Variants in SSUH2 observed in about 807,000 individuals in gnomAD.
SSUH2 encodes the protein ssu-2 homolog.
SSUH2 carries 47 observed loss-of-function variants against 55.3 expected under a neutral mutation model. The ratio of observed to expected loss-of-function variants is 0.85; its 90% CI spans 0.67 to 1.08. SSUH2 has a LOEUF of 1.08. Among genes scored for constraint, SSUH2 ranks in the 50% least tolerant of loss-of-function variants. The pLI, the probability that SSUH2 is intolerant of heterozygous loss-of-function variation, is 0.00. For synonymous variants in SSUH2, 212 were observed against 191.5 expected (o/e 1.11, Z -0.89); for missense variants, 535 against 490.7 (o/e 1.09, Z -0.85).
rs35534080 is a variant in SSUH2, at chr3:8,675,750, G to C, written c.-753+1456C>G. Among the ~76,000 whole-genome samples, 5 of 152,224 alleles carry C rather than the reference G, an allele frequency of 3.3e-5. No individual in the cohort carries two copies. In the East Asian group the frequency reaches 5.8e-4, roughly 18 times the overall value. ...TGAGGTCACAAAGGGGGCTGGGACC[G>C]GGAACCTTTGGAATGGGGATCCCAA... is the stretch of plus-strand genomic sequence containing the variant. On this transcript the variant is annotated intron_variant, in intron 3 of 18. Transcript: ENST00000317371.
upstream of SSUH2, chr3:8,644,857 C>T (rs78748455): frequency 1.6e-3 from 1,567 of 953,794 alleles, 17 homozygotes; most frequent in African/African-American, 0.019. Flanking sequence ...AACAGCAGGC[C>T]CATTGTTACC....
At chr3:8,622,327 G>A (rs75115868) in intron 11 of SSUH2, among the ~76,000 whole-genome samples, 2,690 of 152,262 alleles carry the variant, frequency 0.018, 115 homozygotes, top group East Asian at 0.17. Flanking sequence ...CTGGCTCCCG[G>A]AATGGCTGTA....
chr3:8,674,187 G>A (rs1448600077), intron 3 of SSUH2, among the ~76,000 whole-genome samples: 1 of 152,238 alleles, frequency 6.6e-6, no homozygotes, highest in Non-Finnish European at 1.5e-5. Flanking sequence ...GTTAGCTGCA[G>A]CAATCAGAGG....
chr3:8,647,496 G>A (rs1701846477), upstream of SSUH2, among the ~76,000 whole-genome samples: 1 of 152,228 alleles, frequency 6.6e-6, no homozygotes, highest in African/African-American at 2.4e-5. Flanking sequence ...AGTGGACATG[G>A]CAGCACTGCA....
At chr3:8,658,142 G>A (rs1703116883) in intron 7 of SSUH2, among the ~76,000 whole-genome samples, 1 of 152,222 alleles carries the variant, frequency 6.6e-6, no homozygotes, top group Admixed American at 6.5e-5. Context: ...TCAGAAAACT[G>A]GGGATGACCC....
intron 3 of SSUH2, chr3:8,634,520 C>G: frequency 7.8e-7 from 1 of 1,289,750 alleles, no homozygotes; most frequent in Non-Finnish European, 1.0e-6. Context: ...ACACTTGTAT[C>G]TCCAGCATCC....
chr3:8,626,917 G>C (rs146359112), intron 8 of SSUH2: 3 of 152,332 alleles, frequency 2.0e-5, no homozygotes, highest in African/African-American at 7.2e-5. Flanking sequence ...TTCTTACCTA[G>C]GCCTGTAAAT....
At chr3:8,678,117 T>A (rs951218263) in intron 2 of SSUH2, among the ~76,000 whole-genome samples, 11 of 152,060 alleles carry the variant, frequency 7.2e-5, no homozygotes, top group African/African-American at 2.2e-4. Context: ...AGTAATATCA[T>A]CTTCTTCCCT....
chr3:8,652,108 C>T (rs1340234735), intron 7 of SSUH2: 1 of 152,378 alleles, frequency 6.6e-6, no homozygotes, highest in Non-Finnish European at 1.5e-5. Flanking sequence ...TGGAGGTCAA[C>T]CATCCATCCC....
chr3:8,677,083 G>T (rs1345684018), intron 3 of SSUH2: 1 of 149,538 alleles, frequency 6.7e-6, no homozygotes. Context: ...TCCCCCTGTG[G>T]CTCTTAGGAC....
chr3:8,676,031 A>C (rs1176258831), intron 3 of SSUH2, among the ~76,000 whole-genome samples: 1 of 152,102 alleles, frequency 6.6e-6, no homozygotes, highest in Non-Finnish European at 1.5e-5. Context: ...GAAGCAAATA[A>C]GCTGACTCTT....
intron 7 of SSUH2, 61 bp from the exon 8 acceptor site, chr3:8,627,844 C>A: frequency 6.7e-7 from 1 of 1,483,028 alleles, no homozygotes; most frequent in Non-Finnish European, 9.2e-7. Flanking sequence ...CCAACGGCAT[C>A]CCAAGACCTG....
intron 7 of SSUH2, among the ~76,000 whole-genome samples, chr3:8,656,959 C>T (rs907106843): frequency 1.3e-5 from 2 of 152,204 alleles, no homozygotes; most frequent in African/African-American, 4.8e-5. Flanking sequence ...CAGCTCACTT[C>T]AACCTCCACC....
chr3:8,680,573 T>G (rs190331492), intron 1 of SSUH2, among the ~76,000 whole-genome samples: 1 of 152,094 alleles, frequency 6.6e-6, no homozygotes, highest in African/African-American at 2.4e-5. Context: ...ACGCTGAAAT[T>G]AGAAACAATA....
intron 7 of SSUH2, among the ~76,000 whole-genome samples, chr3:8,652,366 CCAAT>C (rs1702512236): frequency 6.6e-6 from 1 of 152,118 alleles, no homozygotes; most frequent in Non-Finnish European, 1.5e-5. Flanking sequence ...CAGATTTTTC[CCAAT>C]CAGACATCCA....
intron 8 of SSUH2, 86 bp from the exon 9 acceptor site, chr3:8,626,407 T>C: frequency 3.1e-6 from 3 of 972,648 alleles, no homozygotes; most frequent in Non-Finnish European, 3.3e-6. Context: ...CCCTTCCTCC[T>C]GGAGGTAGAC....
At position 8,634,806 on chromosome 3, in the gene SSUH2, C is replaced by T. The variant is rs548168829; in HGVS notation, c.209+494G>A. ...CTCTCCGCACAAAGCTGGCTGGAAA[C>T]CCTGAGCTCGGCCCTGAGTCCTCTC... is the stretch of plus-strand genomic sequence containing the variant. On this transcript the variant is annotated intron_variant, in intron 3 of 11. Coordinates refer to ENST00000544814, the MANE Select transcript of SSUH2 (RefSeq NM_001256748.3). Among the ~76,000 whole-genome samples, 416 of 152,288 alleles carry T rather than the reference C, an allele frequency of 2.7e-3. 2 individuals carry two copies. Among genetic ancestry groups the T allele is most frequent in the Non-Finnish European group, 4.0e-3 (273 of 68,026 alleles).
chr3:8,644,776 A>G lies in SSUH2; in HGVS notation c.-18T>C. The G allele has an allele frequency of 2.0e-6, 3 of 1,535,876 alleles. No homozygotes were observed. The highest frequency in any genetic ancestry group is 1.2e-5 in the South Asian group (1 of 84,056). On this transcript the variant is annotated 5_prime_UTR_variant, in exon 1 of 12. Transcript: ENST00000544814. ...CTGTCCATGTTCCAGACGTCCTGCC[A>G]AAGAGATGTCTGCCCTTCGAGTGTG...
chr3:8,650,586 T>C (rs2125316514), intron 7 of SSUH2, among the ~76,000 whole-genome samples: 1 of 152,328 alleles, frequency 6.6e-6, no homozygotes, highest in Non-Finnish European at 1.5e-5. Flanking sequence ...TAAATACCAG[T>C]TTGTCCCTGT....
Sources: gnomAD v4.1 joint callset for allele counts (sites outside exome capture counted in the v4.1 genomes callset) on GRCh38, gnomAD v4.1.1 for gene constraint, MANE v1.5 for transcripts, NCBI Gene and HGNC (gene_info 2026-07-23, HGNC 2026-07-21) for gene names.